The following TRPC4 variants were observed in gnomAD, a reference collection of about 807,000 sequenced individuals.
TRPC4 encodes short transient receptor potential channel 4.
TRPC4 carries 49 observed loss-of-function variants against 99.4 expected under a neutral mutation model. The ratio of observed to expected loss-of-function variants is 0.49; its 90% CI spans 0.39 to 0.63. The LOEUF (loss-of-function observed/expected upper bound fraction) is 0.63. TRPC4 is among the 20% of genes least tolerant of loss of function. The probability of loss-of-function intolerance (pLI) is 0.00; values close to 1 mark genes in which losing one functional copy is unlikely to be tolerated. For missense variants in TRPC4, 898 were observed against 1,152.9 expected (o/e 0.78, Z 3.20); for synonymous variants, 454 against 425.9 (o/e 1.07, Z -0.81).
chr13:37,656,423 T>C (rs1218209288), intron 6 of TRPC4, among the ~76,000 whole-genome samples: 1 of 152,184 alleles, frequency 6.6e-6, no homozygotes, highest in Non-Finnish European at 1.5e-5. Context: ...AAGTCAATTA[T>C]GGCTTCTGGC....
At chr13:37,709,739 T>C (rs571727269) in intron 3 of TRPC4, among the ~76,000 whole-genome samples, 135 of 152,142 alleles carry the variant, frequency 8.9e-4, no homozygotes, top group African/African-American at 3.2e-3. Flanking sequence ...TATAAAACAT[T>C]ATAGCTATTT....
chr13:37,836,834 G>A (rs760608204), intron 1 of TRPC4, among the ~76,000 whole-genome samples: 1 of 152,204 alleles, frequency 6.6e-6, no homozygotes, highest in Non-Finnish European at 1.5e-5. Flanking sequence ...TGCGGAAAAT[G>A]TCTCCAGCAC....
intron 10 of TRPC4, among the ~76,000 whole-genome samples, chr13:37,638,434 C>T (rs1951603921): frequency 6.6e-6 from 1 of 152,068 alleles, no homozygotes; most frequent in South Asian, 2.1e-4. Context: ...TAAATATCTC[C>T]TATAGATTTT....
At chr13:37,733,331 T>G (rs1955296755) in intron 3 of TRPC4, among the ~76,000 whole-genome samples, 1 of 152,218 alleles carries the variant, frequency 6.6e-6, no homozygotes, top group Non-Finnish European at 1.5e-5. Flanking sequence ...GTCATGCAGG[T>G]AGCCAAGGCA....
intron 1 of TRPC4, among the ~76,000 whole-genome samples, chr13:37,831,501 A>T (rs1958420727): frequency 6.6e-6 from 1 of 152,300 alleles, no homozygotes; most frequent in South Asian, 2.1e-4. Flanking sequence ...AAATGGAATC[A>T]CCATAAGATC....
At position 37,705,677 on chromosome 13, in the gene TRPC4, C is replaced by T. The variant is rs532326077; in HGVS notation, c.898-13342G>A. The stretch of plus-strand genomic sequence containing the variant: ...GTTCCTCTCCTTCTAACCCATGGAC[C>T]ATTCTGCTGAGATGGTAGGCCTTCC... On this transcript the variant is annotated intron_variant, in intron 3 of 10. Coordinates refer to ENST00000379705, the MANE Select transcript of TRPC4 (RefSeq NM_016179.4). Among the ~76,000 whole-genome samples, 7 of 152,220 alleles carry T rather than the reference C, an allele frequency of 4.6e-5. No homozygotes were observed. In the South Asian group the frequency reaches 1.2e-3, roughly 27 times the overall value.
At chr13:37,795,598 A>T (rs1325870819) in intron 1 of TRPC4, among the ~76,000 whole-genome samples, 2 of 152,146 alleles carry the variant, frequency 1.3e-5, no homozygotes, top group African/African-American at 4.8e-5. Context: ...AGAAGCAAGG[A>T]ATTCTAGGAG....
chr13:37,837,317 G>C (rs936030596), intron 1 of TRPC4, among the ~76,000 whole-genome samples: 1 of 152,190 alleles, frequency 6.6e-6, no homozygotes, highest in East Asian at 1.9e-4. Flanking sequence ...ACCCTAGAAT[G>C]GTGTATCCAC....
chr13:37,649,755 AAAAAACAACAAC>A (rs1951975679), intron 8 of TRPC4, among the ~76,000 whole-genome samples: 2 of 130,200 alleles, frequency 1.5e-5, no homozygotes, highest in Non-Finnish European at 3.5e-5. Context: ...AAAAAAAAAA[AAAAAACAACAAC>A]AAAGAACTAA....
chr13:37,832,098 T>C (rs1202951805), intron 1 of TRPC4, among the ~76,000 whole-genome samples: 1 of 152,206 alleles, frequency 6.6e-6, no homozygotes, highest in Non-Finnish European at 1.5e-5. Flanking sequence ...ATTAGCCTGC[T>C]CAAACATTCC....
intron 3 of TRPC4, among the ~76,000 whole-genome samples, chr13:37,693,252 T>G (rs1307643327): frequency 6.6e-6 from 1 of 151,712 alleles, no homozygotes; most frequent in Non-Finnish European, 1.5e-5. Flanking sequence ...GATGGAACAG[T>G]TCAAGAATGC....
At chr13:37,779,145 T>C (rs1438848192) in intron 2 of TRPC4, among the ~76,000 whole-genome samples, 1 of 152,064 alleles carries the variant, frequency 6.6e-6, no homozygotes, top group Non-Finnish European at 1.5e-5. Context: ...AAACATTTAC[T>C]GAAGCAGCTG....
At chr13:37,824,317 G>T (rs1307727027) in intron 1 of TRPC4, among the ~76,000 whole-genome samples, 2 of 146,166 alleles carry the variant, frequency 1.4e-5, no homozygotes, top group Non-Finnish European at 3.0e-5. Context: ...ATGTTGAATA[G>T]GAGTGGTGAG....
At chr13:37,806,301 C>T (rs554551346) in intron 1 of TRPC4, among the ~76,000 whole-genome samples, 1 of 152,054 alleles carries the variant, frequency 6.6e-6, no homozygotes, top group East Asian at 1.9e-4. Flanking sequence ...TTTGATACAT[C>T]GAACTATTGT....
intron 3 of TRPC4, among the ~76,000 whole-genome samples, chr13:37,726,949 A>G (rs1231052169): frequency 6.6e-6 from 1 of 152,146 alleles, no homozygotes; most frequent in Non-Finnish European, 1.5e-5. Context: ...ATCAATTTTG[A>G]CAGAATTCCA....
At chr13:37,698,253 C>G (rs368091665) in intron 3 of TRPC4, among the ~76,000 whole-genome samples, 1 of 141,404 alleles carries the variant, frequency 7.1e-6, no homozygotes, top group Non-Finnish European at 1.5e-5. Flanking sequence ...CTCTGCCTCC[C>G]GGGTTCTTGC....
intron 2 of TRPC4, among the ~76,000 whole-genome samples, chr13:37,769,480 T>A (rs1436828633): frequency 6.6e-6 from 1 of 151,572 alleles, no homozygotes; most frequent in Admixed American, 6.6e-5. Flanking sequence ...TTTATCATGA[T>A]TTTTTCCTTC....
chr13:37,771,985 G>T (rs1225091984), intron 2 of TRPC4, among the ~76,000 whole-genome samples: 1 of 151,624 alleles, frequency 6.6e-6, no homozygotes, highest in Non-Finnish European at 1.5e-5. Context: ...ACTGAAGTTG[G>T]ACTAGGGGGC....
At chr13:37,666,970 G>A (rs571654255) in intron 5 of TRPC4, among the ~76,000 whole-genome samples, 1 of 152,266 alleles carries the variant, frequency 6.6e-6, no homozygotes, top group Admixed American at 6.5e-5. Flanking sequence ...GTACTGTCTG[G>A]TTGACTTTTC....
Sources: allele counts gnomAD v4.1 joint callset (sites outside exome capture counted in the v4.1 genomes callset), GRCh38; gene constraint gnomAD v4.1.1; transcripts MANE v1.5; gene names NCBI Gene and HGNC (gene_info 2026-07-23, HGNC 2026-07-21).